PTPRS: variants seen among roughly 807,000 people sequenced by gnomAD.
PTPRS encodes receptor-type tyrosine-protein phosphatase S.
Under a neutral mutation model 215.3 loss-of-function variants are expected in PTPRS, and 63 were observed. That is an observed-to-expected ratio of 0.29 (90% confidence interval 0.24 to 0.36). The LOEUF (loss-of-function observed/expected upper bound fraction) is 0.36. PTPRS is among the 10% of genes least tolerant of loss of function. The probability of loss-of-function intolerance (pLI) is 1.00; values close to 1 mark genes in which losing one functional copy is unlikely to be tolerated. For synonymous variants in PTPRS, 1,404 were observed against 1,191.4 expected, an observed-to-expected ratio of 1.18 and a Z score of -3.68; for missense variants, 2,258 against 2,825.8, an observed-to-expected ratio of 0.80 and a Z score of 4.56.
intron 1 of PTPRS, among the ~76,000 whole-genome samples, chr19:5,301,347 GCT>G (rs1449412184): frequency 1.4e-5 from 2 of 145,282 alleles, no homozygotes; most frequent in Non-Finnish European, 3.0e-5. Context: ...ACAGAGTCTC[GCT>G]CTGTCACCCA....
chr19:5,274,156 G>A (rs2047159814), intron 3 of PTPRS, 43 bp downstream of exon 3: 1 of 1,583,140 alleles, frequency 6.3e-7, no homozygotes, highest in Non-Finnish European at 8.6e-7. Context: ...CCCTGCCTTG[G>A]GGGAGCATTG....
At chr19:5,220,960 T>TGG (rs989707350) in intron 20 of PTPRS, 40 bp downstream of exon 20, 108 of 1,571,484 alleles carry the variant, frequency 6.9e-5, no homozygotes, top group Non-Finnish European at 8.5e-5. Context: ...AGTAGGCTGA[T>TGG]GGGGGTGACA....
chr19:5,281,744 G>A (rs2047868174), intron 2 of PTPRS, among the ~76,000 whole-genome samples: 1 of 152,150 alleles, frequency 6.6e-6, no homozygotes, highest in Admixed American at 6.5e-5. Flanking sequence ...CCCTCCCTCT[G>A]GAGCTGCTGG....
intron 2 of PTPRS, among the ~76,000 whole-genome samples, chr19:5,276,380 G>T (rs968113765): frequency 4.0e-5 from 6 of 151,758 alleles, no homozygotes; most frequent in Admixed American, 6.6e-5. Flanking sequence ...GCACCACCAC[G>T]CCTGGCTAAT....
chr19:5,305,746 A>AATAAATATATATAT (rs71172708), intron 1 of PTPRS, among the ~76,000 whole-genome samples: 9 of 105,714 alleles, frequency 8.5e-5, no homozygotes, highest in South Asian at 6.0e-4. Context: ...TAAATAAATA[A>AATAAATATATATAT]ATATATATAT....
chr19:5,326,959 G>A (rs1247010433), intron 1 of PTPRS, among the ~76,000 whole-genome samples: 1 of 152,150 alleles, frequency 6.6e-6, no homozygotes, highest in Admixed American at 6.6e-5. Flanking sequence ...AGTGACCTCG[G>A]CACAGACCTA....
At chr19:5,253,015 G>C (rs2045270159) in intron 9 of PTPRS, among the ~76,000 whole-genome samples, 1 of 151,890 alleles carries the variant, frequency 6.6e-6, no homozygotes, top group South Asian at 2.1e-4. Context: ...ATGCTATGTT[G>C]CAAGACCAGG....
At chr19:5,306,724 C>T (rs1397545182) in intron 1 of PTPRS, among the ~76,000 whole-genome samples, 2 of 152,134 alleles carry the variant, frequency 1.3e-5, no homozygotes, top group Non-Finnish European at 2.9e-5. Flanking sequence ...TCACTGGTGT[C>T]CAGTGAAGGG....
At position 5,339,134 on chromosome 19, in the gene PTPRS, G is replaced by T. The variant is rs764770578; in HGVS notation, c.-95+1530C>A. ...CGCGGCTGCCGGGATGTGTTTTTAG[G>T]GTCTCGGCCAGAGGCAGGAGGACCC... is the stretch of plus-strand genomic sequence containing the variant. On this transcript the variant is annotated intron_variant, in intron 1 of 37. Transcript: ENST00000262963. This position sits in a 1 kb window ranked among gnomAD's most constrained non-coding sequence, Gnocchi z 4.2. Among the ~76,000 whole-genome samples the T allele has an allele frequency of 1.3e-5, 2 of 152,154 alleles. No individual in the cohort carries two copies. The highest frequency in any genetic ancestry group is 2.9e-5 in the Non-Finnish European group (2 of 68,014).
At chr19:5,285,168 C>T (rs928069282) in intron 2 of PTPRS, among the ~76,000 whole-genome samples, 5 of 152,116 alleles carry the variant, frequency 3.3e-5, no homozygotes, top group Non-Finnish European at 7.4e-5. Flanking sequence ...AGCTCTGTGA[C>T]AGTGGGTAAG....
chr19:5,221,692 G>A (rs567227534), intron 19 of PTPRS, among the ~76,000 whole-genome samples: 176 of 151,932 alleles, frequency 1.2e-3, no homozygotes, highest in Non-Finnish European at 2.3e-3. Flanking sequence ...GCTGACCCCC[G>A]ATCCCAGACT....
chr19:5,319,703 C>A (rs1418554361), intron 1 of PTPRS, among the ~76,000 whole-genome samples: 2 of 152,028 alleles, frequency 1.3e-5, no homozygotes, highest in Non-Finnish European at 2.9e-5. Context: ...CTCCAACACG[C>A]CAGGCGTGGT....
intron 26 of PTPRS, among the ~76,000 whole-genome samples, chr19:5,215,894 T>G (rs1169290371): frequency 6.6e-6 from 1 of 152,036 alleles, no homozygotes; most frequent in Non-Finnish European, 1.5e-5. Context: ...CCAACCAAGC[T>G]GGGGGTGCAG....
chr19:5,231,502 T>C lies in PTPRS; in HGVS notation c.1963A>G (p.Ser655Gly), dbSNP rs771403922. 1.2e-6 allele frequency: 2 copies of C among 1,612,318 alleles called. No homozygotes were observed. The highest frequency in any genetic ancestry group is 1.1e-5 in the South Asian group (1 of 91,050). The part of the protein sequence containing the change: ...ETHNGALVGY[S>G]VRYRPLGSED... Reference sequence around the variant, plus strand: ...GAGCCCAGCGGTCGGTAGCGGACGCTGTAGCCCACCAGGGCCCCGTTGTGC... The same window carrying C: ...GAGCCCAGCGGTCGGTAGCGGACGCCGTAGCCCACCAGGGCCCCGTTGTGC... Residue 655 changes from serine (S) to glycine (G), a missense_variant, in exon 14 of 38, where the codon AGC becomes GGC. Physicochemically the swap from Ser to Gly is moderately conservative, Grantham distance 56. This residue lies in a region of PTPRS where 371 missense variants were observed against 446.7 expected (regional missense o/e 0.83). Transcript: ENST00000262963.
At chr19:5,208,131 C>G in intron 36 of PTPRS, 74 bp from the exon 37 acceptor site, 1 of 1,577,652 alleles carries the variant, frequency 6.3e-7, no homozygotes, top group Non-Finnish European at 8.7e-7. Flanking sequence ...CCCGATTCCC[C>G]GAGGACTCTA....
intron 1 of PTPRS, among the ~76,000 whole-genome samples, chr19:5,298,050 T>A (rs889905489): frequency 2.0e-5 from 3 of 152,098 alleles, no homozygotes; most frequent in African/African-American, 7.2e-5. Flanking sequence ...CGCCTCGGCC[T>A]CCCAAAGTGT....
chr19:5,222,021 T>C, intron 19 of PTPRS, 102 bp downstream of exon 19: 2 of 932,830 alleles, frequency 2.1e-6, no homozygotes, highest in Non-Finnish European at 3.5e-6. Context: ...GACTGAGCCC[T>C]GATCCCTCAC....
At chr19:5,261,264 A>AG (rs924189352) in intron 6 of PTPRS, among the ~76,000 whole-genome samples, 3 of 151,866 alleles carry the variant, frequency 2.0e-5, no homozygotes, top group African/African-American at 7.3e-5. Flanking sequence ...CCAGACTAGG[A>AG]GGGGACAAGG....
At chr19:5,334,322 A>G (rs890559321) in intron 1 of PTPRS, among the ~76,000 whole-genome samples, 3 of 152,238 alleles carry the variant, frequency 2.0e-5, no homozygotes, top group Admixed American at 1.3e-4. Flanking sequence ...TGTAGCTCCC[A>G]TGTTGTCAAA....
Sources: gnomAD v4.1 joint callset for allele counts (sites outside exome capture counted in the v4.1 genomes callset) on GRCh38, gnomAD v4.1.1 for gene constraint, gnomAD v4.1.1 regional missense constraint, Gnocchi (gnomAD v3.1) non-coding constraint, MANE v1.5 for transcripts, NCBI Gene and HGNC (gene_info 2026-07-23, HGNC 2026-07-21) for gene names.